Variants in PIP5K1B observed in about 807,000 individuals in gnomAD.
The protein encoded by PIP5K1B is phosphatidylinositol-4-phosphate 5-kinase type 1 beta, also known as phosphatidylinositol 4-phosphate 5-kinase type-1 beta.
Under a neutral mutation model 67.0 loss-of-function variants are expected in PIP5K1B, and 42 were observed. The observed-to-expected ratio is 0.63, with a 90% CI of 0.49 to 0.81. The LOEUF is 0.81. PIP5K1B is among the 30% of genes least tolerant of loss of function. The probability of loss-of-function intolerance (pLI) is 0.00; values close to 1 mark genes in which losing one functional copy is unlikely to be tolerated. For synonymous variants in PIP5K1B, 214 were observed against 231.4 expected, an observed-to-expected ratio of 0.92 and a Z score of 0.68; for missense variants, 459 against 646.3, an observed-to-expected ratio of 0.71 and a Z score of 3.14.
intron 15 of PIP5K1B, among the ~76,000 whole-genome samples, chr9:68,997,383 GGT>G (rs1830643390): frequency 6.6e-6 from 1 of 152,102 alleles, no homozygotes; most frequent in African/African-American, 2.4e-5. Context: ...TGCTTCAAGG[GGT>G]GTTTATTTGA....
In PIP5K1B at chr9:68,919,749, T is replaced by A; in HGVS notation, c.1116+20T>A. On this transcript the variant is annotated intron_variant, in intron 11 of 15. Coordinates refer to ENST00000265382, the MANE Select transcript of PIP5K1B (RefSeq NM_003558.4). ...GATGGGGTAAGTGACTTATTTTCCT[T>A]ATTATACTGTATATATTTCTGCTTT... is the stretch of plus-strand genomic sequence containing the variant. 2 of 1,361,618 alleles carry A rather than the reference T, an allele frequency of 1.5e-6. No individual in the cohort carries two copies. The highest frequency in any genetic ancestry group is 2.2e-4 in the Middle Eastern group (1 of 4,516). 84.3% of individuals were successfully genotyped at this position (1,361,618 alleles called of 1,614,324 possible).
At chr9:68,707,498 T>G (rs1827178468) in intron 1 of PIP5K1B, 1 of 152,220 alleles carries the variant, frequency 6.6e-6, no homozygotes, top group Non-Finnish European at 1.5e-5. Context: ...CATAACCAGG[T>G]GCCTGCTCTG....
intron 12 of PIP5K1B, among the ~76,000 whole-genome samples, chr9:68,924,846 G>C (rs191906783): frequency 6.7e-6 from 1 of 149,852 alleles, no homozygotes; most frequent in East Asian, 2.2e-4. Flanking sequence ...GAAAATACAA[G>C]AAGATGAAAA....
chr9:68,984,023 C>T (rs2132908721), intron 14 of PIP5K1B, among the ~76,000 whole-genome samples: 1 of 152,266 alleles, frequency 6.6e-6, no homozygotes, highest in Admixed American at 6.5e-5. Flanking sequence ...ACACTGCACT[C>T]CAGCCTGGAT....
chr9:68,768,193 T>G (rs1830523514), intron 2 of PIP5K1B, among the ~76,000 whole-genome samples: 3 of 152,188 alleles, frequency 2.0e-5, no homozygotes, highest in Admixed American at 2.0e-4. Context: ...GAAAAATTAT[T>G]GGAAACAACA....
At chr9:68,831,718 C>T (rs1834331052) in intron 4 of PIP5K1B, among the ~76,000 whole-genome samples, 1 of 152,092 alleles carries the variant, frequency 6.6e-6, no homozygotes, top group African/African-American at 2.4e-5. Flanking sequence ...TCTTGTTGCC[C>T]AGGCTGGAGT....
intron 6 of PIP5K1B, 99 bp downstream of exon 6, chr9:68,876,893 A>C (rs1823926118): frequency 1.4e-6 from 1 of 727,690 alleles, no homozygotes; most frequent in Non-Finnish European, 2.5e-6. Context: ...TCATTTTATA[A>C]AGCTCTGGGG....
intron 13 of PIP5K1B, 80 bp downstream of exon 13, chr9:68,935,125 A>C (rs751725668): frequency 1.1e-5 from 12 of 1,131,674 alleles, no homozygotes; most frequent in African/African-American, 1.6e-5. Context: ...AGAAAAATTT[A>C]AAAATACCTG....
chr9:68,770,120 C>T (rs1234749771), intron 2 of PIP5K1B, among the ~76,000 whole-genome samples: 1 of 152,220 alleles, frequency 6.6e-6, no homozygotes, highest in Non-Finnish European at 1.5e-5. Flanking sequence ...ACAAGCAGCA[C>T]TCATGGAATA....
chr9:68,740,791 G>A (rs2132315456), intron 1 of PIP5K1B, among the ~76,000 whole-genome samples: 1 of 152,188 alleles, frequency 6.6e-6, no homozygotes, highest in East Asian at 1.9e-4. Flanking sequence ...CTGACTCTAG[G>A]CAACGTGATA....
intron 2 of PIP5K1B, among the ~76,000 whole-genome samples, chr9:68,776,948 C>A (rs1298188423): frequency 6.6e-6 from 1 of 152,168 alleles, no homozygotes; most frequent in Middle Eastern, 3.2e-3. Flanking sequence ...GCCTAGAATC[C>A]TCAGTGCTGA....
At chr9:68,949,916 T>C (rs1054333563) in intron 14 of PIP5K1B, among the ~76,000 whole-genome samples, 9 of 152,240 alleles carry the variant, frequency 5.9e-5, no homozygotes, top group African/African-American at 2.2e-4. Context: ...TACATCTGAT[T>C]GGCCAAGACT....
At chr9:68,816,565 A>G (rs930638131) in intron 2 of PIP5K1B, among the ~76,000 whole-genome samples, 1 of 152,252 alleles carries the variant, frequency 6.6e-6, no homozygotes, top group Non-Finnish European at 1.5e-5. Flanking sequence ...ATTTTAAGCA[A>G]TATGGCATTA....
At chr9:68,872,790 G>C (rs1823690679) in intron 5 of PIP5K1B, among the ~76,000 whole-genome samples, 1 of 152,116 alleles carries the variant, frequency 6.6e-6, no homozygotes, top group Non-Finnish European at 1.5e-5. Context: ...ATTTATCTTA[G>C]AGATCTTGCC....
At chr9:68,968,435 G>T (rs1217768516) in intron 14 of PIP5K1B, among the ~76,000 whole-genome samples, 2 of 146,614 alleles carry the variant, frequency 1.4e-5, no homozygotes, top group African/African-American at 5.0e-5. Flanking sequence ...CAGGAGAATC[G>T]TTTCAATCTG....
rs555598185 is a variant in PIP5K1B at position 68,915,103 on chromosome 9, C to T, written c.772-2445C>T. Reference sequence around the variant, plus strand: ...GTCACATTTAATTTTTACAAGCACCCTATATGATATGTAATAGTGTCAGCA... The same window carrying T: ...GTCACATTTAATTTTTACAAGCACCTTATATGATATGTAATAGTGTCAGCA... On this transcript the variant is annotated intron_variant, in intron 8 of 15. Transcript: ENST00000265382. Among the ~76,000 whole-genome samples the T allele has an allele frequency of 2.6e-5, 4 of 152,220 alleles. No individual in the cohort carries two copies. In the East Asian group the frequency reaches 7.7e-4, roughly 29 times the overall value.
intron 1 of PIP5K1B, among the ~76,000 whole-genome samples, chr9:68,717,129 G>A (rs1827671539): frequency 6.6e-6 from 1 of 152,134 alleles, no homozygotes; most frequent in African/African-American, 2.4e-5. Flanking sequence ...CTACCTGTCA[G>A]GTACTGTGTT....
intron 4 of PIP5K1B, among the ~76,000 whole-genome samples, chr9:68,831,620 T>C (rs1834325754): frequency 6.6e-6 from 1 of 152,190 alleles, no homozygotes. Context: ...TCTGCAATAG[T>C]AGCAGGGGTC....
chr9:68,930,187 C>T (rs1360482074), intron 12 of PIP5K1B, among the ~76,000 whole-genome samples: 1 of 152,130 alleles, frequency 6.6e-6, no homozygotes, highest in Non-Finnish European at 1.5e-5. Flanking sequence ...TCTTCTTATA[C>T]AGCACTCTGG....
Sources: allele counts gnomAD v4.1 joint callset (sites outside exome capture counted in the v4.1 genomes callset), GRCh38; gene constraint gnomAD v4.1.1; transcripts MANE v1.5; gene names NCBI Gene and HGNC (gene_info 2026-07-23, HGNC 2026-07-21).